The following SLC1A6 variants were observed in gnomAD, a reference collection of about 807,000 sequenced individuals.
The protein encoded by SLC1A6 is solute carrier family 1 member 6, also known as excitatory amino acid transporter 4.
In SLC1A6, 15 loss-of-function variants were observed where a neutral mutation model predicts 42.1. That is an observed-to-expected ratio of 0.36 (90% CI 0.24 to 0.55). The LOEUF (loss-of-function observed/expected upper bound fraction) is 0.55. SLC1A6 is among the 20% of genes least tolerant of loss of function. The probability of loss-of-function intolerance (pLI) is 0.88; values close to 1 mark genes in which losing one functional copy is unlikely to be tolerated. For missense variants in SLC1A6, 542 were observed against 772.5 expected (o/e 0.70, Z 3.54); for synonymous variants, 317 against 319.7 (o/e 0.99, Z 0.09).
intron 1 of SLC1A6, among the ~76,000 whole-genome samples, chr19:14,992,327 T>A (rs2045824533): frequency 6.6e-6 from 1 of 152,222 alleles, no homozygotes; most frequent in Non-Finnish European, 1.5e-5. Flanking sequence ...CTGACTGGTA[T>A]CTCAACCTCA....
At chr19:14,988,656 T>C (rs1249877738) in intron 1 of SLC1A6, among the ~76,000 whole-genome samples, 1 of 152,224 alleles carries the variant, frequency 6.6e-6, no homozygotes, top group Non-Finnish European at 1.5e-5. Context: ...AATGAAATCA[T>C]GTCTGTTGCA....
chr19:15,007,332 C>A (rs2045900696), intron 1 of SLC1A6, among the ~76,000 whole-genome samples: 1 of 152,148 alleles, frequency 6.6e-6, no homozygotes, highest in Non-Finnish European at 1.5e-5. Context: ...ATGTCCAGAA[C>A]AGGCAAATCT....
At chr19:14,952,791 C>A in intron 9 of SLC1A6, 137 bp downstream of exon 9, 1 of 1,118,088 alleles carries the variant, frequency 8.9e-7, no homozygotes. Flanking sequence ...GAGGCCTCTC[C>A]AAGGCCTCCT....
intron 1 of SLC1A6, among the ~76,000 whole-genome samples, chr19:14,992,671 A>G (rs1331960264): frequency 4.0e-5 from 6 of 151,302 alleles, no homozygotes; most frequent in Non-Finnish European, 8.8e-5. Flanking sequence ...AAAAAAAAAA[A>G]TGAGCAGGGT....
intron 1 of SLC1A6, among the ~76,000 whole-genome samples, chr19:15,003,642 G>T (rs1600041611): frequency 6.9e-6 from 1 of 144,380 alleles, no homozygotes; most frequent in Non-Finnish European, 1.5e-5. Flanking sequence ...CACAGCGAAG[G>T]GCATCTCCAT....
chr19:15,002,176 A>G (rs1182868917), intron 1 of SLC1A6, among the ~76,000 whole-genome samples: 1 of 152,068 alleles, frequency 6.6e-6, no homozygotes, highest in East Asian at 1.9e-4. Flanking sequence ...TGCAGCCTCC[A>G]TCTCCTGGGC....
rs142419793 is a variant in SLC1A6, at chr19:14,950,047, G to C, written c.*148C>G. The C allele has an allele frequency of 3.3e-4, 172 of 525,212 alleles. 1 individual carries two copies. Among genetic ancestry groups the C allele is most frequent in the African/African-American group, 3.0e-3 (158 of 52,066 alleles). 32.5% of individuals were successfully genotyped at this position (525,212 alleles called of 1,614,324 possible). A position where few individuals can be genotyped will look rare whatever the true frequency, so the allele number is the denominator to read the frequency against. On this transcript the variant is annotated 3_prime_UTR_variant, in exon 10 of 10. Coordinates refer to ENST00000594383, the MANE Select transcript of SLC1A6 (RefSeq NM_005071.3). ...GAGACCTTATATACCTTTCATTCCTGCTCCTTTATTTCACTTTTCCCTCCC... is the reference window on the plus strand; with the variant it reads ...GAGACCTTATATACCTTTCATTCCTCCTCCTTTATTTCACTTTTCCCTCCC...
chr19:14,987,447 G>A (rs566537344), intron 1 of SLC1A6, among the ~76,000 whole-genome samples: 74 of 151,580 alleles, frequency 4.9e-4, no homozygotes, highest in African/African-American at 1.6e-3. Context: ...CAGCCTGAGC[G>A]ACAGAGCAAG....
rs765917635 is a variant in SLC1A6, at chr19:14,971,848, G to A, written c.232C>T (p.Pro78Ser). 3.5e-5 allele frequency: 57 copies of A among 1,614,068 alleles called. No homozygotes were observed. In the Admixed American group the frequency reaches 9.3e-4, roughly 26 times the overall value. The change falls in exon 3 of 10, where the codon CCA becomes TCA. Residue 78 changes from proline (P) to serine (S), a missense_variant. This residue lies in a region of SLC1A6 where 25 missense variants were observed against 32.3 expected (regional missense o/e 0.77). Transcript: ENST00000594383. ...IGVSLAFALR[P>S]YQLTYRQIKY... Reference sequence around the variant, plus strand: ...ATCTGGCGGTAGGTGAGCTGATATGGGCGCAGGGCAAAGGCCAGGCTGACC... The same window carrying A: ...ATCTGGCGGTAGGTGAGCTGATATGAGCGCAGGGCAAAGGCCAGGCTGACC...
At chr19:15,006,161 G>A (rs966196759) in intron 1 of SLC1A6, among the ~76,000 whole-genome samples, 1 of 152,158 alleles carries the variant, frequency 6.6e-6, no homozygotes, top group African/African-American at 2.4e-5. Context: ...TGTCAGCCAT[G>A]GTGCTAAGCA....
intron 1 of SLC1A6, among the ~76,000 whole-genome samples, chr19:14,994,920 TG>T (rs1430749842): frequency 6.6e-6 from 1 of 152,082 alleles, no homozygotes; most frequent in Non-Finnish European, 1.5e-5. Context: ...TGCAACCACA[TG>T]GATGAACTCG....
intron 1 of SLC1A6, among the ~76,000 whole-genome samples, chr19:14,988,615 AC>A (rs1159182159): frequency 6.6e-6 from 1 of 152,214 alleles, no homozygotes; most frequent in African/African-American, 2.4e-5. Flanking sequence ...CAGAATATAC[AC>A]CATAGAATAC....
intron 1 of SLC1A6, among the ~76,000 whole-genome samples, chr19:15,006,768 AAAAAAG>A (rs1254152482): frequency 6.7e-6 from 1 of 149,148 alleles, no homozygotes; most frequent in Non-Finnish European, 1.5e-5. Flanking sequence ...TACAAAAAAA[AAAAAAG>A]AAAAAGAAAA....
rs1446548475 is a variant in SLC1A6, at chr19:14,956,575, A to G, written c.1070T>C (p.Val357Ala). The G allele has an allele frequency of 6.2e-7, 1 of 1,613,738 alleles. No individual in the cohort carries two copies. ...IVGLFLHAGI[V>A]LPLIYFLVTH... ...GACGAGGAAGTAGATGAGGGGAAGG[A>G]CAATGCCGGCATGGAGGAACAGGCC... is the stretch of plus-strand genomic sequence containing the variant. The change falls in exon 7 of 10, where the codon GTC becomes GCC. Residue 357 changes from valine to alanine, a missense_variant. Physicochemically the swap from Val to Ala is moderately conservative, Grantham distance 64. This residue lies in a region of SLC1A6 where 298 missense variants were observed against 419.4 expected (regional missense o/e 0.71). Coordinates refer to ENST00000594383, the MANE Select transcript of SLC1A6 (RefSeq NM_005071.3).
At chr19:14,987,055 T>C (rs62113325) in intron 1 of SLC1A6, among the ~76,000 whole-genome samples, 22,064 of 152,072 alleles carry the variant, frequency 0.15, 2,066 homozygotes, top group African/African-American at 0.26. Context: ...CTTAGAATGA[T>C]TATTAAAATC....
At chr19:14,999,996 TC>T (rs67670460) in intron 1 of SLC1A6, among the ~76,000 whole-genome samples, 12,908 of 103,404 alleles carry the variant, frequency 0.12, 707 homozygotes, top group East Asian at 0.25. Flanking sequence ...CTCTTCCCCC[TC>T]CCCCCCACCC....
intron 5 of SLC1A6, among the ~76,000 whole-genome samples, chr19:14,963,722 G>T (rs1184125911): frequency 3.9e-5 from 6 of 152,178 alleles, no homozygotes; most frequent in Non-Finnish European, 8.8e-5. Flanking sequence ...CTTAACCAGA[G>T]TTGAGGGCCT....
At chr19:15,005,421 A>C (rs1467796962) in intron 1 of SLC1A6, among the ~76,000 whole-genome samples, 3 of 152,182 alleles carry the variant, frequency 2.0e-5, no homozygotes, top group Admixed American at 6.6e-5. Context: ...AGGCAGGAGA[A>C]TCACTTGAAC....
chr19:14,973,016 G>A, intron 1 of SLC1A6, 99 bp from the exon 2 acceptor site: 1 of 945,906 alleles, frequency 1.1e-6, no homozygotes, highest in East Asian at 2.7e-5. Context: ...CGCTTCCTGA[G>A]GACTCTCAGA....
Sources: gnomAD v4.1 joint callset for allele counts (sites outside exome capture counted in the v4.1 genomes callset) on GRCh38, gnomAD v4.1.1 for gene constraint, gnomAD v4.1.1 regional missense constraint, MANE v1.5 for transcripts, NCBI Gene and HGNC (gene_info 2026-07-23, HGNC 2026-07-21) for gene names.